WDR17: variants seen among roughly 807,000 people sequenced by gnomAD.
WDR17 encodes the protein WD repeat-containing protein 17.
WDR17 carries 143 observed loss-of-function variants against 161.7 expected under a neutral mutation model. The ratio of observed to expected loss-of-function variants is 0.88; its 90% CI spans 0.77 to 1.02. The LOEUF is 1.02. Ranked by LOEUF, WDR17 falls within the 50% of genes least tolerant of loss-of-function variation. The probability of loss-of-function intolerance (pLI) is 0.00; values close to 1 mark genes in which losing one functional copy is unlikely to be tolerated. For synonymous variants in WDR17, 517 were observed against 515.6 expected, an observed-to-expected ratio of 1.00 and a Z score of -0.04; for missense variants, 1,469 against 1,520.9, an observed-to-expected ratio of 0.97 and a Z score of 0.57.
chr4:176,137,623 T>G lies in WDR17; in HGVS notation c.1359+12T>G. 6.7e-7 allele frequency: 1 copy of G among 1,488,510 alleles called. No individual in the cohort carries two copies. Among genetic ancestry groups the G allele is most frequent in the Non-Finnish European group, 9.3e-7 (1 of 1,076,926 alleles). 92.2% of individuals were successfully genotyped at this position (1,488,510 alleles called of 1,614,324 possible). ...AACGATTTAATGAGGTAAGATTTAT[T>G]TATTGCTACTGAATAATATAATGTT... is the stretch of plus-strand genomic sequence containing the variant. On this transcript the variant is annotated intron_variant, in intron 9 of 28. Coordinates refer to ENST00000508596, the MANE Select transcript of WDR17 (RefSeq NM_181265.4).
At chr4:176,079,118 C>T (rs1161685045) in intron 1 of WDR17, among the ~76,000 whole-genome samples, 1 of 152,148 alleles carries the variant, frequency 6.6e-6, no homozygotes, top group Admixed American at 6.6e-5. Context: ...AGAGTGAGAA[C>T]ATACAGTATT....
In WDR17 at chr4:176,142,077, G is replaced by T. The variant is rs115564466; in HGVS notation, c.1529+8G>T. On this transcript the variant is annotated splice_region_variant and intron_variant, in intron 11 of 28. Transcript: ENST00000508596. ...TTGGAGCCAAAACAATAAGTAAGTG[G>T]TTTTTTTTCCTGAAATAAATAATAA... 8.6e-4 allele frequency: 1,376 copies of T among 1,600,752 alleles called. 8 individuals carry two copies. In the African/African-American group the frequency reaches 0.016, roughly 19 times the overall value.
chr4:176,177,022 T>C, intron 26 of WDR17, 36 bp from the exon 27 acceptor site: 1 of 1,454,884 alleles, frequency 6.9e-7, no homozygotes, highest in Non-Finnish European at 9.6e-7. Context: ...TCTTAGTTTT[T>C]GGTATCAGAT....
intron 1 of WDR17, among the ~76,000 whole-genome samples, chr4:176,077,001 T>C (rs1232661835): frequency 6.6e-6 from 1 of 152,108 alleles, no homozygotes; most frequent in East Asian, 1.9e-4. Context: ...TCTTTTTTCC[T>C]GAGATGGAAC....
chr4:176,077,217 C>T (rs1045710467), intron 1 of WDR17, among the ~76,000 whole-genome samples: 20 of 133,218 alleles, frequency 1.5e-4, no homozygotes, highest in Non-Finnish European at 2.7e-4. Flanking sequence ...AATATAAGGG[C>T]GGGGGTCATG....
chr4:176,135,236 G>T lies in WDR17; in HGVS notation c.1227G>T (p.Pro409=), dbSNP rs745978848. The change falls in exon 8 of 29, where the codon CCG becomes CCT. Residue 409 remains proline, a synonymous_variant. Transcript: ENST00000508596. ...INTLTAVYTS[P]GNEGVIYSLS... ...CATTAACAGCAGTGTACACATCCCC[G>T]GGTAATGAAGGTGTTATTTATTCCC... The T allele has an allele frequency of 1.9e-6, 3 of 1,612,014 alleles. No individual in the cohort carries two copies. The highest frequency in any genetic ancestry group is 1.3e-5 in the African/African-American group (1 of 74,812).
At chr4:176,075,188 C>A (rs6553911) in intron 1 of WDR17, among the ~76,000 whole-genome samples, 79,088 of 151,200 alleles carry the variant, frequency 0.52, 22,040 homozygotes, top group South Asian at 0.63. Context: ...ATTTTATGAT[C>A]TATTTTAACA....
In WDR17 at chr4:176,103,783, G is replaced by T. The variant is rs1579055287; in HGVS notation, c.-6-7792G>T. The stretch of plus-strand genomic sequence containing the variant: ...GAAGGGACATAAGGGACACTATGAA[G>T]CCCACCAATATGCACTCATGTGGGA... On this transcript the variant is annotated intron_variant, in intron 1 of 28. Transcript: ENST00000508596. 5.9e-5 allele frequency among the ~76,000 whole-genome samples: 9 copies of T among 152,168 alleles called. No homozygotes were observed. The South Asian group carries it at 1.9e-3, about 32-fold the overall frequency.
intron 3 of WDR17, among the ~76,000 whole-genome samples, chr4:176,118,123 TGTCACA>T (rs1740928527): frequency 6.6e-6 from 1 of 152,210 alleles, no homozygotes; most frequent in South Asian, 2.1e-4. Flanking sequence ...AGTCACTTTA[TGTCACA>T]GTGGATAATA....
chr4:176,161,130 C>A, intron 20 of WDR17, 128 bp downstream of exon 20: 1 of 624,402 alleles, frequency 1.6e-6, no homozygotes, highest in Non-Finnish European at 2.6e-6. Flanking sequence ...CATTCCTCAC[C>A]ATGATCCAGT....
chr4:176,075,931 G>C (rs962360997), intron 1 of WDR17, among the ~76,000 whole-genome samples: 1 of 151,784 alleles, frequency 6.6e-6, no homozygotes, highest in African/African-American at 2.4e-5. Flanking sequence ...GCTATGATCG[G>C]GACACTGTAC....
chr4:176,074,342 T>G (rs1733666078), intron 1 of WDR17, among the ~76,000 whole-genome samples: 1 of 147,940 alleles, frequency 6.8e-6, no homozygotes, highest in Non-Finnish European at 1.5e-5. Flanking sequence ...TATTTTTATT[T>G]TTCTCTATTC....
intron 8 of WDR17, among the ~76,000 whole-genome samples, chr4:176,136,901 G>A (rs1744505230): frequency 6.6e-6 from 1 of 151,368 alleles, no homozygotes; most frequent in African/African-American, 2.4e-5. Flanking sequence ...CCTTTGTTCT[G>A]ATGGAGAAAA....
Position 176,148,284 on chromosome 4 carries a change from C to T in WDR17, c.1846C>T (p.Arg616Ter), listed in dbSNP as rs754726313. ...CTATACTATAAAAGTATGGGACACT[C>T]GAGAAGGAACTTGTGTGGATACTGT... ...WDYTIKVWDTREGTCVDTVYD... is the reference protein window; with the variant it reads ...WDYTIKVWDT Residue 616 changes from arginine (R) to a stop codon, truncating the protein, a stop_gained, in exon 13 of 29, where the codon CGA becomes TGA. Transcript: ENST00000508596. LOFTEE classifies it high-confidence loss of function. 14 of 1,613,858 alleles carry T rather than the reference C, an allele frequency of 8.7e-6. No homozygotes were observed. The highest frequency in any genetic ancestry group is 3.3e-5 in the Admixed American group (2 of 60,006).
At chr4:176,138,474 T>G (rs113563559) in intron 9 of WDR17, among the ~76,000 whole-genome samples, 1 of 151,732 alleles carries the variant, frequency 6.6e-6, no homozygotes, top group Non-Finnish European at 1.5e-5. Context: ...AAGGAAACTT[T>G]GACAAAGGAT....
chr4:176,131,414 A>G (rs1407556961), intron 6 of WDR17, 140 bp from the exon 7 acceptor site: 8 of 800,192 alleles, frequency 1.0e-5, no homozygotes, highest in Non-Finnish European at 1.5e-5. Flanking sequence ...ATCCCAAAGA[A>G]CTGCTTATGT....
At chr4:176,082,167 A>T (rs1041909579) in intron 1 of WDR17, among the ~76,000 whole-genome samples, 1 of 152,064 alleles carries the variant, frequency 6.6e-6, no homozygotes, top group Middle Eastern at 3.2e-3. Flanking sequence ...ATGATGCAAC[A>T]GATATATATG....
chr4:176,097,664 T>C lies in WDR17; in HGVS notation c.-6-13911T>C, dbSNP rs371252052. On this transcript the variant is annotated intron_variant, in intron 1 of 28. Coordinates refer to ENST00000508596, the MANE Select transcript of WDR17 (RefSeq NM_181265.4). The stretch of plus-strand genomic sequence containing the variant: ...CCATCCTGAGTTTCAATTTCAGGTA[T>C]AAATGATGGAAATATTTCAGCTTAT... Among the ~76,000 whole-genome samples, 9 of 151,820 alleles carry C rather than the reference T, an allele frequency of 5.9e-5. No individual in the cohort carries two copies. In the South Asian group the frequency reaches 6.2e-4, roughly 11 times the overall value.
chr4:176,168,969 T>C (rs1322021094), intron 23 of WDR17, among the ~76,000 whole-genome samples, 186 bp downstream of exon 23: 1 of 152,186 alleles, frequency 6.6e-6, no homozygotes, highest in Non-Finnish European at 1.5e-5. Flanking sequence ...TGCTTGGCAC[T>C]CTTCTAAATC....
Sources: allele counts gnomAD v4.1 joint callset (sites outside exome capture counted in the v4.1 genomes callset), GRCh38; gene constraint gnomAD v4.1.1; transcripts MANE v1.5; gene names NCBI Gene and HGNC (gene_info 2026-07-23, HGNC 2026-07-21).